Variants in GALNT17 observed in about 807,000 individuals in gnomAD.
GALNT17 encodes UDP-GalNAc:polypeptide N-acetylgalactosaminyltransferase-like 3.
Under a neutral mutation model 63.7 loss-of-function variants are expected in GALNT17, and 29 were observed. That is an observed-to-expected ratio of 0.46 (90% CI 0.34 to 0.62). The LOEUF is 0.62. Among genes scored for constraint, GALNT17 ranks in the 20% least tolerant of loss-of-function variants. GALNT17 has a pLI of 0.01. For synonymous variants in GALNT17, 305 were observed against 318.3 expected (o/e 0.96, Z 0.45); for missense variants, 603 against 799.6 (o/e 0.75, Z 2.97).
intron 6 of GALNT17, among the ~76,000 whole-genome samples, chr7:71,574,127 G>A (rs1177294336): frequency 6.6e-6 from 1 of 152,190 alleles, no homozygotes; most frequent in Non-Finnish European, 1.5e-5. Flanking sequence ...ACATACGTGT[G>A]CATGTGTCTT....
At chr7:71,681,547 G>A (rs188635908) in intron 9 of GALNT17, among the ~76,000 whole-genome samples, 77 of 152,252 alleles carry the variant, frequency 5.1e-4, no homozygotes, top group Admixed American at 1.6e-3. Context: ...ACAGCCTCTG[G>A]CCCAGGCAGC....
At chr7:71,598,238 G>A (rs897901582) in intron 6 of GALNT17, among the ~76,000 whole-genome samples, 38 of 152,108 alleles carry the variant, frequency 2.5e-4, no homozygotes, top group African/African-American at 1.2e-4. Context: ...CACCGTGCCC[G>A]GCCGGTAGTT....
chr7:71,540,116 T>TTTTTTTTTTTTTG lies in GALNT17; in HGVS notation c.963-31168_963-31156dup, dbSNP rs1788865344. 1.7e-5 allele frequency among the ~76,000 whole-genome samples: 2 copies of TTTTTTTTTTTTTG among 116,396 alleles called. 1 individual carries two copies. The highest frequency in any genetic ancestry group is 3.6e-5 in the Non-Finnish European group (2 of 55,956). The allele number at this position is 116,396 out of a possible 152,430, so 76.4% of individuals were successfully genotyped here. On this transcript the variant is annotated intron_variant, in intron 5 of 10. Transcript: ENST00000333538. ...GCCTTTTTTTTTTTTTTTTTTTTTT[T>TTTTTTTTTTTTTG]TTTTTTTTTTTTGATGGAGTCTCTC...
intron 2 of GALNT17, among the ~76,000 whole-genome samples, chr7:71,338,348 A>T (rs896419780): frequency 6.0e-5 from 8 of 134,370 alleles, no homozygotes; most frequent in Middle Eastern, 3.7e-3. Context: ...AAATAAATAA[A>T]AAATAAATAA....
chr7:71,435,895 C>T (rs552044465), intron 5 of GALNT17, among the ~76,000 whole-genome samples: 1 of 152,144 alleles, frequency 6.6e-6, no homozygotes, highest in East Asian at 1.9e-4. Flanking sequence ...TGGCGGACGC[C>T]TGTAGTCCCA....
chr7:71,472,772 A>C (rs2116619296), intron 5 of GALNT17, among the ~76,000 whole-genome samples: 1 of 152,332 alleles, frequency 6.6e-6, no homozygotes. Context: ...AGTGTTGCAC[A>C]ATGGACCCTC....
intron 1 of GALNT17, among the ~76,000 whole-genome samples, chr7:71,216,293 C>T (rs891890690): frequency 2.0e-5 from 3 of 152,116 alleles, no homozygotes; most frequent in African/African-American, 7.2e-5. Flanking sequence ...GAAAACTCTG[C>T]TGTACACTTT....
intron 5 of GALNT17, among the ~76,000 whole-genome samples, chr7:71,540,357 T>C (rs1056894325): frequency 6.6e-6 from 1 of 151,740 alleles, no homozygotes; most frequent in Non-Finnish European, 1.5e-5. Flanking sequence ...CCTCAAGTGA[T>C]CCACCCACCT....
At chr7:71,185,881 T>A (rs967911702) in intron 1 of GALNT17, among the ~76,000 whole-genome samples, 1 of 152,110 alleles carries the variant, frequency 6.6e-6, no homozygotes, top group Admixed American at 6.6e-5. Context: ...AGTCGTAGAG[T>A]CATTGTGAAG....
At chr7:71,268,911 T>C (rs1346011888) in intron 1 of GALNT17, among the ~76,000 whole-genome samples, 1 of 152,128 alleles carries the variant, frequency 6.6e-6, no homozygotes, top group Non-Finnish European at 1.5e-5. Context: ...GACCAGCAGA[T>C]GTGAGACTTG....
At chr7:71,180,709 G>A (rs1161606409) in intron 1 of GALNT17, among the ~76,000 whole-genome samples, 1 of 152,170 alleles carries the variant, frequency 6.6e-6, no homozygotes, top group African/African-American at 2.4e-5. Flanking sequence ...TTTAGGAGTT[G>A]TATTTCAGCT....
chr7:71,354,033 T>C (rs939727059), intron 2 of GALNT17, among the ~76,000 whole-genome samples: 1 of 152,020 alleles, frequency 6.6e-6, no homozygotes, highest in Non-Finnish European at 1.5e-5. Flanking sequence ...AAGGAGGTGC[T>C]ACACACTTTT....
chr7:71,216,248 G>A (rs1168029858), intron 1 of GALNT17, among the ~76,000 whole-genome samples: 2 of 151,714 alleles, frequency 1.3e-5, no homozygotes, highest in Non-Finnish European at 2.9e-5. Flanking sequence ...GAGAGAGAGA[G>A]AGAGATGATG....
At chr7:71,157,384 G>A (rs1168471577) in intron 1 of GALNT17, among the ~76,000 whole-genome samples, 6 of 151,854 alleles carry the variant, frequency 4.0e-5, no homozygotes, top group Non-Finnish European at 5.9e-5. Context: ...TTGGCTGGGC[G>A]CGGTGGCTCA....
intron 6 of GALNT17, among the ~76,000 whole-genome samples, chr7:71,635,206 CAA>C (rs35340202): frequency 5.6e-5 from 7 of 124,406 alleles, no homozygotes; most frequent in African/African-American, 6.1e-5. Flanking sequence ...GACTCCGTCT[CAA>C]AAAAAAAAAA....
chr7:71,471,423 A>T (rs958023903), intron 5 of GALNT17, among the ~76,000 whole-genome samples: 1 of 124,226 alleles, frequency 8.0e-6, no homozygotes, highest in Non-Finnish European at 1.7e-5. Context: ...AACAAAAAAA[A>T]CCAAAAACCA....
chr7:71,572,517 A>AC (rs1562695979), intron 6 of GALNT17, among the ~76,000 whole-genome samples: 8 of 109,396 alleles, frequency 7.3e-5, no homozygotes, highest in Non-Finnish European at 1.2e-4. Context: ...AAAAAAAAAA[A>AC]AAAAAAAAAA....
intron 1 of GALNT17, among the ~76,000 whole-genome samples, chr7:71,226,284 A>G (rs1401814103): frequency 6.6e-6 from 1 of 152,144 alleles, no homozygotes; most frequent in Non-Finnish European, 1.5e-5. Flanking sequence ...TGGTTTGGAT[A>G]TGTCTCCTAC....
chr7:71,345,489 A>G (rs1208896275), intron 2 of GALNT17, among the ~76,000 whole-genome samples: 1 of 152,120 alleles, frequency 6.6e-6, no homozygotes, highest in Non-Finnish European at 1.5e-5. Context: ...AACCCATTTT[A>G]TCCCGACAAT....
Sources: allele counts gnomAD v4.1 joint callset (sites outside exome capture counted in the v4.1 genomes callset), GRCh38; gene constraint gnomAD v4.1.1; transcripts MANE v1.5; gene names NCBI Gene and HGNC (gene_info 2026-07-23, HGNC 2026-07-21).